NCKAP5L: variants seen among roughly 807,000 people sequenced by gnomAD.
NCKAP5L encodes nck-associated protein 5-like.
A neutral mutation model predicts 103.2 loss-of-function variants in NCKAP5L; 54 were observed. The ratio of observed to expected loss-of-function variants is 0.52; its 90% CI spans 0.42 to 0.66. The LOEUF is 0.66. NCKAP5L is among the 30% of genes least tolerant of loss of function. The pLI is 0.00. For synonymous variants in NCKAP5L, 762 were observed against 748.6 expected (o/e 1.02, Z -0.29); for missense variants, 1,733 against 1,750.6 (o/e 0.99, Z 0.18).
At chr12:49,818,422 A>C (rs1418053842) in intron 1 of NCKAP5L, among the ~76,000 whole-genome samples, 1 of 144,806 alleles carries the variant, frequency 6.9e-6, no homozygotes, top group African/African-American at 2.6e-5. Context: ...GGTGCAATCA[A>C]TCATGGCTCA....
chr12:49,791,479 G>T lies in NCKAP5L; in HGVS notation c.*360C>A. ...TTCGGGGCAGAGGAGCAGCCGGGTT[G>T]GGCAGAGATGGCACGGCTGGTGGGC... On this transcript the variant is annotated 3_prime_UTR_variant, in exon 13 of 13. Coordinates refer to ENST00000335999, the MANE Select transcript of NCKAP5L (RefSeq NM_001037806.4). 1 of 185,002 alleles carries T rather than the reference G, an allele frequency of 5.4e-6. No individual in the cohort carries two copies. The highest frequency in any genetic ancestry group is 1.1e-5 in the Non-Finnish European group (1 of 90,148). The allele number at this position is 185,002 out of a possible 1,614,324, so 11.5% of individuals were successfully genotyped here.
Position 49,791,782 on chromosome 12 carries a change from G to C in NCKAP5L, c.*57C>G, listed in dbSNP as rs1945937933. On this transcript the variant is annotated 3_prime_UTR_variant, in exon 13 of 13. Coordinates refer to ENST00000335999, the MANE Select transcript of NCKAP5L (RefSeq NM_001037806.4). The stretch of plus-strand genomic sequence containing the variant: ...CGTCTCCGGGGGCTGGGCATGAAGA[G>C]AGCCGGTCCAGTCTGTGGTCCCCAG... The C allele has an allele frequency of 7.0e-6, 10 of 1,436,114 alleles. No homozygotes were observed. The highest frequency in any genetic ancestry group is 2.4e-5 in the Admixed American group (1 of 40,958). The allele number at this position is 1,436,114 out of a possible 1,614,324, so 89.0% of individuals were successfully genotyped here. A position where few individuals can be genotyped will look rare whatever the true frequency, so the allele number is the denominator to read the frequency against.
intron 8 of NCKAP5L, among the ~76,000 whole-genome samples, 159 bp downstream of exon 8, chr12:49,794,605 AC>A (rs1555147580): frequency 8.6e-6 from 1 of 116,094 alleles, no homozygotes; most frequent in Non-Finnish European, 1.7e-5. Context: ...CAAGTCACTG[AC>A]CCCCCCACCA....
chr12:49,803,992 C>T lies in NCKAP5L; in HGVS notation c.53G>A (p.Gly18Glu). ...CTCCATGCTGCCATCATCACCCTCT[C>T]CTGGCCTTGGGTTTCCAGGACCCCC... ...PAGGPGNPRP[G>E]EGDDGSMEPG... Residue 18 changes from glycine (G) to glutamate (E), a missense_variant, in exon 3 of 13, where the codon GGA (glycine) becomes GAA (glutamate). Physicochemically the swap from Gly to Glu is moderately conservative, Grantham distance 98 (BLOSUM62 -2). Coordinates refer to ENST00000335999, the MANE Select transcript of NCKAP5L (RefSeq NM_001037806.4). 6.2e-7 allele frequency: 1 copy of T among 1,612,558 alleles called. No individual in the cohort carries two copies. Among genetic ancestry groups the T allele is most frequent in the South Asian group, 1.1e-5 (1 of 91,082 alleles).
intron 9 of NCKAP5L, 39 bp from the exon 10 acceptor site, chr12:49,793,472 C>A: frequency 6.4e-7 from 1 of 1,574,740 alleles, no homozygotes. Context: ...CCACTCCTCC[C>A]CCCTCCACAC....
At chr12:49,820,442 G>A (rs989191212) in intron 1 of NCKAP5L, among the ~76,000 whole-genome samples, 2 of 149,402 alleles carry the variant, frequency 1.3e-5, no homozygotes, top group South Asian at 2.2e-4. Flanking sequence ...TCAGCCTCCC[G>A]AGTAGCTGGG....
rs753791321 is a variant in NCKAP5L, at chr12:49,796,395, G to T, written c.1465C>A (p.Arg489=). The T allele has an allele frequency of 2.5e-6, 4 of 1,579,682 alleles. No individual in the cohort carries two copies. The Admixed American group carries it at 5.4e-5, about 21-fold the overall frequency. ...GGGCTGCCGTCTGAGCCACTGTTCC[G>T]ACAGGGGATTCGCGAGTTCCGGGGG... The part of the protein sequence containing the change: ...QLPRNSRIPC[R]NSGSDGSPSP... The change falls in exon 8 of 13, where the codon CGG becomes AGG. Residue 489 remains arginine (R), a synonymous_variant. Coordinates refer to ENST00000335999, the MANE Select transcript of NCKAP5L (RefSeq NM_001037806.4).
chr12:49,827,398 A>C (rs1374968669), intron 1 of NCKAP5L, among the ~76,000 whole-genome samples: 2 of 152,224 alleles, frequency 1.3e-5, no homozygotes, highest in East Asian at 3.9e-4. Flanking sequence ...AAGTGGACTC[A>C]GCTGATCCAG....
At chr12:49,808,880 C>T (rs1946209398) in intron 1 of NCKAP5L, among the ~76,000 whole-genome samples, 1 of 152,170 alleles carries the variant, frequency 6.6e-6, no homozygotes, top group Non-Finnish European at 1.5e-5. Flanking sequence ...ACAGTGCCGG[C>T]CAGGCAGGGT....
intron 1 of NCKAP5L, among the ~76,000 whole-genome samples, chr12:49,818,204 A>T (rs1056477028): frequency 6.6e-6 from 1 of 152,124 alleles, no homozygotes; most frequent in East Asian, 1.9e-4. Flanking sequence ...AATAAAATAC[A>T]GGGTAAAAAC....
rs1945972908 is a variant in NCKAP5L, at chr12:49,793,407, T to C, written c.3285A>G (p.Glu1095=). The part of the protein sequence containing the change: ...GKPSSEPGRR[E]EMPSEDSLAE... ...CCAGGCTGTCCTCCGAGGGCATCTC[T>C]TCCCGCCTCCCTGGCTCGCTGCTCG... Residue 1095 remains glutamate (E), a synonymous_variant, in exon 10 of 13, where the codon GAA becomes GAG. Coordinates refer to ENST00000335999, the MANE Select transcript of NCKAP5L (RefSeq NM_001037806.4). The C allele has an allele frequency of 6.2e-7, 1 of 1,608,002 alleles. No individual in the cohort carries two copies.
Position 49,797,021 on chromosome 12 carries a change from G to A in NCKAP5L, c.839C>T (p.Pro280Leu), listed in dbSNP as rs1211559881. Reference protein sequence around the residue: ...TGRPWGPSRGPPQAQGTSSGP... With the variant: ...TGRPWGPSRGLPQAQGTSSGP... ...AGAGCTGGTGCCCTGGGCCTGAGGA[G>A]GTCCCCTGCTAGGACCCCAGGGCCG... is the stretch of plus-strand genomic sequence containing the variant. The change falls in exon 8 of 13, where the codon CCT becomes CTT. Residue 280 changes from proline to leucine, a missense_variant. Pro to Leu is a moderately conservative substitution (Grantham distance 98, BLOSUM62 -3). Transcript: ENST00000335999. The surrounding 1 kb of genome is among the most constrained non-coding windows in gnomAD (Gnocchi z 4.5). 6.3e-7 allele frequency: 1 copy of A among 1,578,956 alleles called. No homozygotes were observed. The highest frequency in any genetic ancestry group is 8.6e-7 in the Non-Finnish European group (1 of 1,163,082).
At chr12:49,803,380 C>G (rs1946142549) in intron 3 of NCKAP5L, among the ~76,000 whole-genome samples, 1 of 152,134 alleles carries the variant, frequency 6.6e-6, no homozygotes. Context: ...TTTCTATAAA[C>G]CCCGACCTCA....
In NCKAP5L at chr12:49,795,684, G is replaced by A. The variant is rs764447018; in HGVS notation, c.2176C>T (p.Arg726Trp). Residue 726 changes from arginine to tryptophan, a missense_variant, in exon 8 of 13, where the codon CGG (arginine) becomes TGG (tryptophan). Coordinates refer to ENST00000335999, the MANE Select transcript of NCKAP5L (RefSeq NM_001037806.4). ...TTTGTGCCCAAGGCCACTGCCCCCCGTATCCCCCCCTTGGCTTCTAGCTGC... is the reference window on the plus strand; with the variant it reads ...TTTGTGCCCAAGGCCACTGCCCCCCATATCCCCCCCTTGGCTTCTAGCTGC... The part of the protein sequence containing the change: ...LEQLEAKGGI[R>W]GAVALGTNSL... The A allele has an allele frequency of 4.0e-5, 65 of 1,611,180 alleles. No homozygotes were observed. The highest frequency in any genetic ancestry group is 5.0e-5 in the Non-Finnish European group (59 of 1,178,884).
chr12:49,812,528 C>G (rs530007092), intron 1 of NCKAP5L, among the ~76,000 whole-genome samples: 12 of 152,112 alleles, frequency 7.9e-5, no homozygotes, highest in Admixed American at 4.6e-4. Flanking sequence ...GGACTACAGG[C>G]GCCCGCCACC....
chr12:49,796,589 G>C lies in NCKAP5L; in HGVS notation c.1271C>G (p.Pro424Arg), dbSNP rs772991241. The C allele has an allele frequency of 3.1e-6, 5 of 1,602,560 alleles. No homozygotes were observed. Among genetic ancestry groups the C allele is most frequent in the Non-Finnish European group, 4.3e-6 (5 of 1,175,786 alleles). The change falls in exon 8 of 13, where the codon CCC becomes CGC. Residue 424 changes from proline to arginine, a missense_variant. Transcript: ENST00000335999. Reference sequence around the variant, plus strand: ...GCTTTTCACCTGAGATGAGGAATGGGGGTGGCCAGGCCGAGAGCCCAGTGG... The same window carrying C: ...GCTTTTCACCTGAGATGAGGAATGGCGGTGGCCAGGCCGAGAGCCCAGTGG... Reference protein sequence around the residue: ...DAPLGSRPGHPHSSSQVKSKL... With the variant: ...DAPLGSRPGHRHSSSQVKSKL...
rs757901161 is a variant in NCKAP5L at position 49,795,909 on chromosome 12, G to A, written c.1951C>T (p.Arg651Trp). The A allele has an allele frequency of 1.8e-5, 28 of 1,531,358 alleles. No individual in the cohort carries two copies. The African/African-American group carries it at 2.8e-4, about 15-fold the overall frequency. 94.9% of individuals were successfully genotyped at this position (1,531,358 alleles called of 1,614,324 possible). A position where few individuals can be genotyped will look rare whatever the true frequency, so the allele number is the denominator to read the frequency against. ...SSKKPSQGSG[R>W]RPGDPGSTPL... is the part of the protein sequence containing the mutation. ...GTGCTGCCAGGATCCCCAGGTCGCC[G>A]TCCTGACCCCTGGCTGGGCTTCTTG... is the stretch of plus-strand genomic sequence containing the variant. The change falls in exon 8 of 13, where the codon CGG becomes TGG. Residue 651 changes from arginine to tryptophan, a missense_variant. By Grantham distance (101) the Arg-to-Trp change is moderately radical. Coordinates refer to ENST00000335999, the MANE Select transcript of NCKAP5L (RefSeq NM_001037806.4).
intron 6 of NCKAP5L, among the ~76,000 whole-genome samples, chr12:49,800,516 C>G (rs1799719449): frequency 6.6e-6 from 1 of 152,248 alleles, no homozygotes; most frequent in Admixed American, 6.5e-5. Flanking sequence ...AGCTGGGAAT[C>G]ACATCATAAA....
chr12:49,801,020 C>T (rs1057249617), intron 6 of NCKAP5L, among the ~76,000 whole-genome samples: 6 of 152,180 alleles, frequency 3.9e-5, no homozygotes, highest in African/African-American at 9.7e-5. Context: ...CCTGGCGAGA[C>T]GGGGGCTCCA....
Sources: allele counts gnomAD v4.1 joint callset (sites outside exome capture counted in the v4.1 genomes callset), GRCh38; gene constraint gnomAD v4.1.1; non-coding constraint Gnocchi (gnomAD v3.1); transcripts MANE v1.5; gene names NCBI Gene and HGNC (gene_info 2026-07-23, HGNC 2026-07-21).